Variants in ZFP91 observed in about 807,000 individuals in gnomAD.
ZFP91 encodes the protein E3 ubiquitin-protein ligase ZFP91.
ZFP91 carries 7 observed loss-of-function variants against 63.5 expected under a neutral mutation model. That is an observed-to-expected ratio of 0.11 (90% CI 0.06 to 0.21). ZFP91 has a LOEUF of 0.21. Among genes scored for constraint, ZFP91 ranks in the 10% least tolerant of loss-of-function variants. The pLI, the probability that ZFP91 is intolerant of heterozygous loss-of-function variation, is 1.00. For missense variants in ZFP91, 628 were observed against 736.6 expected (o/e 0.85, Z 1.71); for synonymous variants, 330 against 272.1 (o/e 1.21, Z -2.10).
In ZFP91 at chr11:58,584,938, TC is replaced by T. The variant is rs962336637; in HGVS notation, c.370+55del. On this transcript the variant is annotated intron_variant, in intron 2 of 10. Transcript: ENST00000316059. ...GTACATTACACTGATTATCTTTTAA[TC>T]TGTTAGAAAGCCTCATCATTCAAAT... is the stretch of plus-strand genomic sequence containing the variant. The T allele has an allele frequency of 3.0e-6, 4 of 1,351,636 alleles. No individual in the cohort carries two copies. In the African/African-American group the frequency reaches 6.1e-5, roughly 21 times the overall value. The allele number at this position is 1,351,636 out of a possible 1,614,324, so 83.7% of individuals were successfully genotyped here.
chr11:58,617,484 G>GAAGTT lies in ZFP91; in HGVS notation c.1491_1492insAAGTT (p.Pro498LysfsTer15), dbSNP rs769819423. On this transcript the variant is annotated frameshift_variant, in exon 11 of 11. Transcript: ENST00000316059. LOFTEE classifies it high-confidence loss of function. This position sits in a 1 kb window ranked among gnomAD's most constrained non-coding sequence, Gnocchi z 4.2. ...GTCAGGGTCTTCCTCTTCTTCCTGAGCCCTTGGGAAACTCAACCTCTGGAG... is the reference window on the plus strand; with the variant it reads ...GTCAGGGTCTTCCTCTTCTTCCTGAGAAGTTCCCTTGGGAAACTCAACCTCTGGAG... 4 of 1,614,130 alleles carry GAAGTT rather than the reference G, an allele frequency of 2.5e-6. No individual in the cohort carries two copies. Among genetic ancestry groups the GAAGTT allele is most frequent in the Non-Finnish European group, 3.4e-6 (4 of 1,180,008 alleles).
At position 58,585,167 on chromosome 11, in the gene ZFP91, C is replaced by T. The variant is rs2515344; in HGVS notation, c.370+283C>T. On this transcript the variant is annotated intron_variant, in intron 2 of 10. Transcript: ENST00000316059. ...TGAGGTAACAGACTGGAATGATACA[C>T]AGTATACAGAGTAAAGTGAAGGCAA... Among the ~76,000 whole-genome samples the T allele has an allele frequency of 7.1e-3, 1,087 of 152,108 alleles. 10 individuals are homozygous for T. The highest frequency in any genetic ancestry group is 0.025 in the African/African-American group (1,043 of 41,494).
At chr11:58,616,857 T>G in intron 10 of ZFP91, 42 bp downstream of exon 10, 1 of 1,573,976 alleles carries the variant, frequency 6.4e-7, no homozygotes. Flanking sequence ...GAGAAGGATA[T>G]ATGCCCTACT....
chr11:58,595,466 G>T (rs1855381400), intron 2 of ZFP91, among the ~76,000 whole-genome samples: 2 of 151,750 alleles, frequency 1.3e-5, no homozygotes. Context: ...TTGATGGTTT[G>T]ACTTGTTATA....
chr11:58,581,060 G>T (rs913094642), intron 1 of ZFP91, among the ~76,000 whole-genome samples: 1 of 152,132 alleles, frequency 6.6e-6, no homozygotes, highest in Admixed American at 6.5e-5. Flanking sequence ...TCTCTGCAAC[G>T]TGAGTTTGTG....
chr11:58,579,234 T>G lies in ZFP91; in HGVS notation c.-48T>G, dbSNP rs1301156989. 1.1e-5 allele frequency: 15 copies of G among 1,340,356 alleles called. No homozygotes were observed. Among genetic ancestry groups the G allele is most frequent in the Admixed American group, 4.2e-5 (1 of 23,918 alleles). The allele number at this position is 1,340,356 out of a possible 1,614,324, so 83.0% of individuals were successfully genotyped here. On this transcript the variant is annotated 5_prime_UTR_variant, in exon 1 of 11. Transcript: ENST00000316059. ...GGGGAGCAGCGCCGAGGCCGCCGCC[T>G]CCGCCTCCGCCGCCTAGGACTAGGG...
chr11:58,620,546 A>G lies in ZFP91; in HGVS notation c.*2840A>G, dbSNP rs1323688169. The G allele has an allele frequency of 6.6e-6, 1 of 152,614 alleles. No individual in the cohort carries two copies. Among genetic ancestry groups the G allele is most frequent in the African/African-American group, 2.4e-5 (1 of 41,444 alleles). The allele number at this position is 152,614 out of a possible 1,614,324, so 9.5% of individuals were successfully genotyped here. ...TGTTTTGCGTAACTGAGACTCCTTG[A>G]TATGCTTCAGAGAATTTAGGCAAAC... On this transcript the variant is annotated 3_prime_UTR_variant, in exon 11 of 11. Coordinates refer to ENST00000316059, the MANE Select transcript of ZFP91 (RefSeq NM_053023.5).
At position 58,604,533 on chromosome 11, in the gene ZFP91, G is replaced by A. The variant is rs1236715704; in HGVS notation, c.371-5297G>A. ...TGTTGTGATTGGTAGAGCAGCCCTGGTAGACTAATACATTATTTCAGCTCT... is the reference window on the plus strand; with the variant it reads ...TGTTGTGATTGGTAGAGCAGCCCTGATAGACTAATACATTATTTCAGCTCT... On this transcript the variant is annotated intron_variant, in intron 2 of 10. Transcript: ENST00000316059. Among the ~76,000 whole-genome samples, 2 of 152,122 alleles carry A rather than the reference G, an allele frequency of 1.3e-5. 1 individual carries two copies. The highest frequency in any genetic ancestry group is 3.8e-4 in the East Asian group (2 of 5,198).
chr11:58,610,247 ATATCT>A (rs746635641), intron 3 of ZFP91, 46 bp from the exon 4 acceptor site: 15 of 1,555,394 alleles, frequency 9.6e-6, no homozygotes, highest in Non-Finnish European at 1.3e-5. Flanking sequence ...CAGAGAGAAA[ATATCT>A]TATATCTACA....
intron 1 of ZFP91, among the ~76,000 whole-genome samples, chr11:58,581,323 CAAGAT>C (rs1389322320): frequency 5.3e-5 from 8 of 152,130 alleles, no homozygotes; most frequent in African/African-American, 1.9e-4. Flanking sequence ...ACCTATATCT[CAAGAT>C]AAGATAATTA....
rs537978495 is a variant in ZFP91, at chr11:58,596,328, G to A, written c.370+11444G>A. On this transcript the variant is annotated intron_variant, in intron 2 of 10. Transcript: ENST00000316059. ...GTAGAAGGAGTGGCAGGAACATTTG[G>A]CGTAGCTTTACAGAAATACAATTTC... 2.3e-3 allele frequency among the ~76,000 whole-genome samples: 353 copies of A among 152,218 alleles called. 2 individuals are homozygous for A. The highest frequency in any genetic ancestry group is 0.017 in the Middle Eastern group (5 of 294).
Position 58,616,818 on chromosome 11 carries a change from G to T in ZFP91, c.1202+3G>T. ...CACACTGGCGAGAAGCCATTACAGT[G>T]AGTATTATTTACTGGTGAACATCTG... On this transcript the variant is annotated splice_donor_region_variant and intron_variant, in intron 10 of 10. Coordinates refer to ENST00000316059, the MANE Select transcript of ZFP91 (RefSeq NM_053023.5). 6.2e-7 allele frequency: 1 copy of T among 1,613,100 alleles called. No individual in the cohort carries two copies. The highest frequency in any genetic ancestry group is 1.1e-5 in the South Asian group (1 of 91,016).
At position 58,587,453 on chromosome 11, in the gene ZFP91, C is replaced by G. The variant is rs374188864; in HGVS notation, c.370+2569C>G. 1.3e-4 allele frequency among the ~76,000 whole-genome samples: 20 copies of G among 152,184 alleles called. No homozygotes were observed. In the East Asian group the frequency reaches 3.1e-3, roughly 24 times the overall value. ...ACATTTGAGATTACACCTGAATATG[C>G]AGATAGTTAATTTGGACAAGGAACA... On this transcript the variant is annotated intron_variant, in intron 2 of 10. Transcript: ENST00000316059.
intron 2 of ZFP91, 73 bp from the exon 3 acceptor site, chr11:58,609,757 C>T: frequency 7.9e-7 from 1 of 1,263,682 alleles, no homozygotes; most frequent in Non-Finnish European, 1.1e-6. Flanking sequence ...ACTGTATTTA[C>T]AATTAGTAGA....
chr11:58,606,831 AC>A (rs1028607778), intron 2 of ZFP91, among the ~76,000 whole-genome samples: 1 of 151,394 alleles, frequency 6.6e-6, no homozygotes, highest in African/African-American at 2.4e-5. Context: ...GGCTTTTATA[AC>A]CTTTAACTAT....
At chr11:58,609,745 C>A in intron 2 of ZFP91, 85 bp from the exon 3 acceptor site, 1 of 1,153,178 alleles carries the variant, frequency 8.7e-7, no homozygotes, top group Non-Finnish European at 1.2e-6. Flanking sequence ...AATTTATCTT[C>A]AACTGTATTT....
intron 2 of ZFP91, among the ~76,000 whole-genome samples, chr11:58,599,023 CT>C (rs1365849635): frequency 6.6e-6 from 1 of 151,928 alleles, no homozygotes; most frequent in African/African-American, 2.4e-5. Flanking sequence ...TTTACCTATT[CT>C]GGATATTATA....
chr11:58,594,582 T>A (rs1565218567), intron 2 of ZFP91, among the ~76,000 whole-genome samples: 1 of 152,370 alleles, frequency 6.6e-6, no homozygotes, highest in East Asian at 1.9e-4. Flanking sequence ...TTTTAATATC[T>A]GCAGAAATTC....
At chr11:58,593,377 T>C (rs549081172) in intron 2 of ZFP91, among the ~76,000 whole-genome samples, 26 of 152,344 alleles carry the variant, frequency 1.7e-4, no homozygotes, top group African/African-American at 6.0e-4. Flanking sequence ...TATTTTTCTC[T>C]GCTCTTTCCT....
Sources: gnomAD v4.1 joint callset for allele counts (sites outside exome capture counted in the v4.1 genomes callset) on GRCh38, gnomAD v4.1.1 for gene constraint, Gnocchi (gnomAD v3.1) non-coding constraint, MANE v1.5 for transcripts, NCBI Gene and HGNC (gene_info 2026-07-23, HGNC 2026-07-21) for gene names.